The following CXXC5 variants were observed in gnomAD, a reference collection of about 807,000 sequenced individuals.
The protein encoded by CXXC5 is CXXC finger protein 5.
Under a neutral mutation model 17.6 loss-of-function variants are expected in CXXC5, and 2 were observed. The observed-to-expected ratio is 0.11, with a 90% CI of 0.05 to 0.36. The LOEUF (loss-of-function observed/expected upper bound fraction) is 0.36, where lower values mean the gene tolerates loss of function less well. CXXC5 is among the 10% of genes least tolerant of loss of function. CXXC5 has a pLI of 1.00. For missense variants in CXXC5, 343 were observed against 458.3 expected (o/e 0.75, Z 2.30); for synonymous variants, 171 against 193.0 (o/e 0.89, Z 0.94).
Position 139,648,716 on chromosome 5 carries a change from A to G in CXXC5, c.-290A>G, listed in dbSNP as rs1269101119. ...CGCGACTCGGGCTCCGGACCCGGGC[A>G]CTGCTGGCGGCTGGAGCGGAGCGCA... On this transcript the variant is annotated 5_prime_UTR_variant, in exon 1 of 3. Coordinates refer to ENST00000302517, the MANE Select transcript of CXXC5 (RefSeq NM_016463.9). 1 of 150,776 alleles carries G rather than the reference A, an allele frequency of 6.6e-6. No individual in the cohort carries two copies. Among genetic ancestry groups the G allele is most frequent in the Non-Finnish European group, 1.5e-5 (1 of 67,622 alleles). 9.3% of individuals were successfully genotyped at this position (150,776 alleles called of 1,614,324 possible). A position where few individuals can be genotyped will look rare whatever the true frequency, so the allele number is the denominator to read the frequency against.
chr5:139,668,359 C>G lies in CXXC5; in HGVS notation c.-160-12005C>G, dbSNP rs980689490. Among the ~76,000 whole-genome samples the G allele has an allele frequency of 2.0e-5, 3 of 151,908 alleles. No individual in the cohort carries two copies. Among genetic ancestry groups the G allele is most frequent in the African/African-American group, 4.8e-5 (2 of 41,370 alleles). On this transcript the variant is annotated intron_variant, in intron 1 of 2. Transcript: ENST00000302517. This position sits in a 1 kb window ranked among gnomAD's most constrained non-coding sequence, Gnocchi z 4.1. ...CTCAGGGCGCCTCCCGGCTCCCTGC[C>G]GCCTCCCAGCCGGACGCGGACGTGC...
intron 1 of CXXC5, among the ~76,000 whole-genome samples, chr5:139,672,142 A>C (rs1756509756): frequency 6.6e-6 from 1 of 151,678 alleles, no homozygotes. Flanking sequence ...TTTGAGATGG[A>C]GTTTTGCTCT....
At chr5:139,674,577 T>G (rs918996032) in intron 1 of CXXC5, among the ~76,000 whole-genome samples, 5 of 152,226 alleles carry the variant, frequency 3.3e-5, no homozygotes, top group Admixed American at 6.5e-5. Flanking sequence ...ATGGCGGGGA[T>G]GGTGCCTTGG....
chr5:139,652,802 CTG>C (rs1451772721), intron 1 of CXXC5, among the ~76,000 whole-genome samples: 1 of 152,044 alleles, frequency 6.6e-6, no homozygotes, highest in Non-Finnish European at 1.5e-5. Flanking sequence ...ATTCTGTGAG[CTG>C]TGTGTGCTTG....
chr5:139,671,498 G>A (rs867410113), intron 1 of CXXC5, among the ~76,000 whole-genome samples: 24 of 152,326 alleles, frequency 1.6e-4, no homozygotes, highest in Middle Eastern at 6.8e-3. Context: ...AAAACCCTGG[G>A]CCAGCCGCGG....
chr5:139,678,554 C>T (rs541418399), intron 1 of CXXC5, among the ~76,000 whole-genome samples: 1 of 152,304 alleles, frequency 6.6e-6, no homozygotes, highest in African/African-American at 2.4e-5. Flanking sequence ...GGCGGCTACT[C>T]GCCTCACCCT....
chr5:139,661,558 GC>G lies in CXXC5; in HGVS notation c.-161+12714del, dbSNP rs1755815407. Among the ~76,000 whole-genome samples, 1 of 152,176 alleles carries G rather than the reference GC, an allele frequency of 6.6e-6. No individual in the cohort carries two copies. Among genetic ancestry groups the G allele is most frequent in the Non-Finnish European group, 1.5e-5 (1 of 68,028 alleles). On this transcript the variant is annotated intron_variant, in intron 1 of 2. Transcript: ENST00000302517. The surrounding 1 kb of genome is among the most constrained non-coding windows in gnomAD (Gnocchi z 4.7). Reference sequence around the variant, plus strand: ...CCCACTGGCACGTACCTAGGCGAATGCACATACACAGGCACACATAGGCGTG... The same window carrying G: ...CCCACTGGCACGTACCTAGGCGAATGACATACACAGGCACACATAGGCGTG...
At chr5:139,682,698 G>A (rs999467405) in intron 2 of CXXC5, among the ~76,000 whole-genome samples, 165 bp from the exon 3 acceptor site, 12 of 152,164 alleles carry the variant, frequency 7.9e-5, no homozygotes, top group East Asian at 1.9e-4. Context: ...CAGGTCAAGC[G>A]CCTCCTTTGG....
chr5:139,651,898 A>G (rs900819799), intron 1 of CXXC5, among the ~76,000 whole-genome samples: 1 of 152,014 alleles, frequency 6.6e-6, no homozygotes, highest in African/African-American at 2.4e-5. Context: ...TTACGTTACT[A>G]TTGCCCACTC....
In CXXC5 at chr5:139,683,707, G is replaced by A. The variant is rs1399684927; in HGVS notation, c.*800G>A. 6.6e-6 allele frequency: 1 copy of A among 152,590 alleles called. No homozygotes were observed. Among genetic ancestry groups the A allele is most frequent in the Non-Finnish European group, 1.5e-5 (1 of 68,044 alleles). 9.5% of individuals were successfully genotyped at this position (152,590 alleles called of 1,614,324 possible). A position where few individuals can be genotyped will look rare whatever the true frequency, so the allele number is the denominator to read the frequency against. On this transcript the variant is annotated 3_prime_UTR_variant, in exon 3 of 3. Transcript: ENST00000302517. ...TTTTCTGGCCTTGCTAATGGCAACA[G>A]AAGAAAGGGCTTCTTTGCGTGGTCC...
chr5:139,680,326 G>A (rs767597526), intron 1 of CXXC5, 38 bp from the exon 2 acceptor site: 1 of 709,746 alleles, frequency 1.4e-6, no homozygotes, highest in Non-Finnish European at 2.3e-6. Context: ...AGGGGGAGGT[G>A]TTCACTGCTG....
rs1756283973 is a variant in CXXC5, at chr5:139,668,848, C to G, written c.-160-11516C>G. ...GTTCCTCTTGGCTTTGCCACAAACA[C>G]AGTGACCTTATGTAGAGTCCTTAGC... On this transcript the variant is annotated intron_variant, in intron 1 of 2. Transcript: ENST00000302517. The surrounding 1 kb of genome is among the most constrained non-coding windows in gnomAD (Gnocchi z 4.1). 6.6e-6 allele frequency among the ~76,000 whole-genome samples: 1 copy of G among 152,226 alleles called. No homozygotes were observed. Among genetic ancestry groups the G allele is most frequent in the African/African-American group, 2.4e-5 (1 of 41,456 alleles).
In CXXC5 at chr5:139,659,363, T is replaced by C. The variant is rs555449562; in HGVS notation, c.-161+10518T>C. Among the ~76,000 whole-genome samples the C allele has an allele frequency of 7.2e-4, 110 of 152,224 alleles. 1 individual carries two copies. The highest frequency in any genetic ancestry group is 3.4e-3 in the Middle Eastern group (1 of 294). On this transcript the variant is annotated intron_variant, in intron 1 of 2. Coordinates refer to ENST00000302517, the MANE Select transcript of CXXC5 (RefSeq NM_016463.9). The stretch of plus-strand genomic sequence containing the variant: ...CTGGTCTCCTGGGAGGGAGACAGGC[T>C]AGCAGGAAGGAGGGCAATGGGGGCA...
intron 1 of CXXC5, among the ~76,000 whole-genome samples, chr5:139,659,127 T>G (rs1302374880): frequency 1.3e-5 from 2 of 152,164 alleles, no homozygotes; most frequent in Non-Finnish European, 2.9e-5. Flanking sequence ...TGGTTACCCA[T>G]GAGGTCATTC....
chr5:139,664,712 G>A (rs1198989811), intron 1 of CXXC5, among the ~76,000 whole-genome samples: 2 of 152,178 alleles, frequency 1.3e-5, no homozygotes, highest in Non-Finnish European at 2.9e-5. Flanking sequence ...CAGTCCCCCA[G>A]GCCCAGAGCT....
chr5:139,664,393 A>G (rs1755983252), intron 1 of CXXC5, among the ~76,000 whole-genome samples: 1 of 152,074 alleles, frequency 6.6e-6, no homozygotes, highest in Admixed American at 6.5e-5. Context: ...GGAGGAGTTG[A>G]GCAAGTGCCC....
chr5:139,660,991 G>A (rs1755772966), intron 1 of CXXC5, among the ~76,000 whole-genome samples: 1 of 152,016 alleles, frequency 6.6e-6, no homozygotes, highest in South Asian at 2.1e-4. Context: ...AGGTTTCGAT[G>A]AAACAGGAAC....
chr5:139,668,401 G>T lies in CXXC5; in HGVS notation c.-160-11963G>T, dbSNP rs1179311628. 6.6e-6 allele frequency among the ~76,000 whole-genome samples: 1 copy of T among 151,952 alleles called. No homozygotes were observed. The highest frequency in any genetic ancestry group is 2.4e-5 in the African/African-American group (1 of 41,402). The stretch of plus-strand genomic sequence containing the variant: ...CGGACGTGCCTGCGCGGCTCTGGCG[G>T]CCGCGTCTGCCGCCCCGGCGCCCGC... On this transcript the variant is annotated intron_variant, in intron 1 of 2. Transcript: ENST00000302517. The surrounding 1 kb of genome is among the most constrained non-coding windows in gnomAD (Gnocchi z 4.1).
chr5:139,678,929 T>C (rs1399641389), intron 1 of CXXC5, among the ~76,000 whole-genome samples: 1 of 152,170 alleles, frequency 6.6e-6, no homozygotes, highest in Non-Finnish European at 1.5e-5. Context: ...CCGGGACTGA[T>C]GAGGAAACCG....
Sources: allele counts gnomAD v4.1 joint callset (sites outside exome capture counted in the v4.1 genomes callset), GRCh38; gene constraint gnomAD v4.1.1; non-coding constraint Gnocchi (gnomAD v3.1); transcripts MANE v1.5; gene names NCBI Gene and HGNC (gene_info 2026-07-23, HGNC 2026-07-21).